DIPK2A: variants seen among roughly 807,000 people sequenced by gnomAD.
DIPK2A encodes Golgi Protein of 49 kDa.
Under a neutral mutation model 39.0 loss-of-function variants are expected in DIPK2A, and 27 were observed. The ratio of observed to expected loss-of-function variants is 0.69; its 90% confidence interval spans 0.51 to 0.96. DIPK2A has a LOEUF of 0.96. DIPK2A is among the 40% of genes least tolerant of loss of function. The pLI is 0.00. For missense variants in DIPK2A, 528 were observed against 571.3 expected, an observed-to-expected ratio of 0.92 and a Z score of 0.77; for synonymous variants, 298 against 240.8, an observed-to-expected ratio of 1.24 and a Z score of -2.20.
At position 143,973,639 on chromosome 3, in the gene DIPK2A, G is replaced by A; in HGVS notation, c.657+650G>A. The stretch of plus-strand genomic sequence containing the variant: ...GAAAAGTAAGGCAGCGTTGGACTTG[G>A]GGCTGGGAGGGCTTAAGGCCAGACA... On this transcript the variant is annotated intron_variant, in intron 1 of 2. Transcript: ENST00000315691. 3 of 1,100,400 alleles carry A rather than the reference G, an allele frequency of 2.7e-6. No homozygotes were observed. The South Asian group carries it at 4.0e-5, about 15-fold the overall frequency. 68.2% of individuals were successfully genotyped at this position (1,100,400 alleles called of 1,614,324 possible).
chr3:143,989,369 AT>A (rs1412099754), intron 2 of DIPK2A, 140 bp from the exon 3 acceptor site: 2 of 606,810 alleles, frequency 3.3e-6, no homozygotes, highest in Non-Finnish European at 5.7e-6. Flanking sequence ...GAATTTATAT[AT>A]TTAAATGTTT....
intron 1 of DIPK2A, among the ~76,000 whole-genome samples, chr3:143,976,817 G>A (rs1200595886): frequency 1.3e-5 from 2 of 151,896 alleles, no homozygotes; most frequent in Non-Finnish European, 2.9e-5. Flanking sequence ...TGGTTTTTAA[G>A]CTTGCTTTTC....
chr3:143,989,911 T>C lies in DIPK2A; in HGVS notation c.*70T>C. 8.2e-7 allele frequency: 1 copy of C among 1,226,124 alleles called. No individual in the cohort carries two copies. Among genetic ancestry groups the C allele is most frequent in the Non-Finnish European group, 1.1e-6 (1 of 874,202 alleles). 76.0% of individuals were successfully genotyped at this position (1,226,124 alleles called of 1,614,324 possible). A position where few individuals can be genotyped will look rare whatever the true frequency, so the allele number is the denominator to read the frequency against. ...CTAAAACTAAACCACCAAAAAACGATCTGAAAAAATGAAATTTGGAAGTGT... is the reference window on the plus strand; with the variant it reads ...CTAAAACTAAACCACCAAAAAACGACCTGAAAAAATGAAATTTGGAAGTGT... On this transcript the variant is annotated 3_prime_UTR_variant, in exon 3 of 3. Coordinates refer to ENST00000315691, the MANE Select transcript of DIPK2A (RefSeq NM_173552.5).
At chr3:143,977,886 A>G (rs1204994757) in intron 1 of DIPK2A, among the ~76,000 whole-genome samples, 1 of 152,130 alleles carries the variant, frequency 6.6e-6, no homozygotes, top group Non-Finnish European at 1.5e-5. Context: ...CGCCCTTAAG[A>G]AAGCATCACT....
Position 143,989,731 on chromosome 3 carries a change from C to T in DIPK2A, c.1183C>T (p.Leu395Phe). The change falls in exon 3 of 3, where the codon CTC becomes TTC. Residue 395 changes from leucine to phenylalanine, a missense_variant. Around this residue, in one of 2 missense-constraint regions of DIPK2A, gnomAD observed 219 missense variants for 281.5 expected, o/e 0.78. Transcript: ENST00000315691. ...PPSEIAKDGR[L>F]EALLDECANP... ...AAGTGAAATTGCCAAAGATGGCCGGCTCGAGGCCTTGCTGGATGAGTGTGC... is the reference window on the plus strand; with the variant it reads ...AAGTGAAATTGCCAAAGATGGCCGGTTCGAGGCCTTGCTGGATGAGTGTGC... 2 of 1,614,228 alleles carry T rather than the reference C, an allele frequency of 1.2e-6. No individual in the cohort carries two copies. Among genetic ancestry groups the T allele is most frequent in the Non-Finnish European group, 1.7e-6 (2 of 1,180,036 alleles).
In DIPK2A at chr3:143,972,082, A is replaced by C; in HGVS notation, c.-251A>C. On this transcript the variant is annotated 5_prime_UTR_variant, in exon 1 of 3. Coordinates refer to ENST00000315691, the MANE Select transcript of DIPK2A (RefSeq NM_173552.5). ...GTGGAGGAGGCGCCGCCGGAGTCGG[A>C]GGGCGGGGAGCTAGGAGGAGGGAGC... The C allele has an allele frequency of 2.6e-6, 1 of 382,172 alleles. No homozygotes were observed. The highest frequency in any genetic ancestry group is 4.6e-6 in the Non-Finnish European group (1 of 216,310). 23.7% of individuals were successfully genotyped at this position (382,172 alleles called of 1,614,324 possible). A position where few individuals can be genotyped will look rare whatever the true frequency, so the allele number is the denominator to read the frequency against.
chr3:143,989,445 T>C, intron 2 of DIPK2A, 65 bp from the exon 3 acceptor site: 2 of 942,330 alleles, frequency 2.1e-6, no homozygotes, highest in Non-Finnish European at 3.2e-6. Context: ...AAATATTCTA[T>C]TTTTGGAAGC....
chr3:143,990,342 G>A lies in DIPK2A; in HGVS notation c.*501G>A, dbSNP rs1261340312. ...ATTTTGAAAATTCAGGTTACTGTAG[G>A]TGTTCATTTAAATTTTTAATAGTTG... is the stretch of plus-strand genomic sequence containing the variant. On this transcript the variant is annotated 3_prime_UTR_variant, in exon 3 of 3. Coordinates refer to ENST00000315691, the MANE Select transcript of DIPK2A (RefSeq NM_173552.5). The A allele has an allele frequency of 3.4e-5, 5 of 148,038 alleles. No homozygotes were observed. The highest frequency in any genetic ancestry group is 5.9e-5 in the Non-Finnish European group (4 of 67,292). The allele number at this position is 148,038 out of a possible 1,614,324, so 9.2% of individuals were successfully genotyped here.
intron 1 of DIPK2A, among the ~76,000 whole-genome samples, chr3:143,980,262 C>T (rs969554149): frequency 2.8e-5 from 3 of 105,938 alleles, no homozygotes; most frequent in African/African-American, 2.1e-4. Context: ...TCTTTCTTTT[C>T]TTTCTTATGT....
chr3:143,989,278 G>A (rs565305124), intron 2 of DIPK2A, among the ~76,000 whole-genome samples: 2 of 152,252 alleles, frequency 1.3e-5, no homozygotes, highest in African/African-American at 2.4e-5. Context: ...ATGGAAAGTC[G>A]CTAGACTAAA....
chr3:143,975,987 T>C (rs1354121828), intron 1 of DIPK2A, among the ~76,000 whole-genome samples: 1 of 152,088 alleles, frequency 6.6e-6, no homozygotes, highest in Admixed American at 6.5e-5. Context: ...TCCATTAAAC[T>C]CACCTCTTCT....
In DIPK2A at chr3:143,989,824, A is replaced by G. The variant is rs2087954867; in HGVS notation, c.1276A>G (p.Ser426Gly). 3.1e-6 allele frequency: 5 copies of G among 1,612,866 alleles called. No individual in the cohort carries two copies. The highest frequency in any genetic ancestry group is 3.4e-6 in the Non-Finnish European group (4 of 1,178,968). The change falls in exon 3 of 3, where the codon AGT becomes GGT. Residue 426 changes from serine (S) to glycine (G), a missense_variant. Physicochemically the swap from Ser to Gly is moderately conservative, Grantham distance 56. Transcript: ENST00000315691. ...KELREYLAQL[S>G]NNVR ...ACTGCGTGAATACCTAGCACAATTAAGTAACAACGTGAGGTAGTCTATGGT... is the reference window on the plus strand; with the variant it reads ...ACTGCGTGAATACCTAGCACAATTAGGTAACAACGTGAGGTAGTCTATGGT...
intron 1 of DIPK2A, among the ~76,000 whole-genome samples, chr3:143,981,911 A>G (rs13078840): frequency 0.27 from 41,091 of 152,128 alleles, 6,077 homozygotes; most frequent in Non-Finnish European, 0.33. Flanking sequence ...TGGATTTACA[A>G]TTGAGGTACA....
intron 1 of DIPK2A, 152 bp downstream of exon 1, chr3:143,973,141 G>A (rs1389796541): frequency 1.7e-6 from 2 of 1,171,188 alleles, no homozygotes; most frequent in South Asian, 1.3e-5. Flanking sequence ...CTCCGGGGGA[G>A]CCCCGGGGCT....
chr3:143,978,700 A>C (rs1488672882), intron 1 of DIPK2A, among the ~76,000 whole-genome samples: 1 of 140,970 alleles, frequency 7.1e-6, no homozygotes, highest in Non-Finnish European at 1.5e-5. Context: ...ATATATATAT[A>C]TACTGTCACA....
chr3:143,985,561 G>A lies in DIPK2A; in HGVS notation c.676G>A (p.Gly226Ser). 6.2e-7 allele frequency: 1 copy of A among 1,613,820 alleles called. No homozygotes were observed. The change falls in exon 2 of 3, where the codon GGT (glycine) becomes AGT (serine). Residue 226 changes from glycine (G) to serine (S), a missense_variant. This residue lies in a region of DIPK2A where 219 missense variants were observed against 281.5 expected (regional missense o/e 0.78). Coordinates refer to ENST00000315691, the MANE Select transcript of DIPK2A (RefSeq NM_173552.5). ...LVLQSFPSDE[G>S]WPFAKYLGAC... ...TTTGTAGAGTTTTCCGTCTGATGAA[G>A]GTTGGCCATTTGCAAAGTATCTTGG...
At chr3:143,977,618 A>G (rs975059875) in intron 1 of DIPK2A, among the ~76,000 whole-genome samples, 1 of 152,066 alleles carries the variant, frequency 6.6e-6, no homozygotes, top group Non-Finnish European at 1.5e-5. Context: ...CTTCTCCTTT[A>G]CTGGCTGTTT....
chr3:143,985,819 G>T lies in DIPK2A; in HGVS notation c.934G>T (p.Val312Phe), dbSNP rs1172220660. 6.2e-7 allele frequency: 1 copy of T among 1,612,824 alleles called. No individual in the cohort carries two copies. Residue 312 changes from valine to phenylalanine, a missense_variant, in exon 2 of 3, where the codon GTT (valine) becomes TTT (phenylalanine). By Grantham distance (50) the Val-to-Phe change is conservative. Around this residue, in one of 2 missense-constraint regions of DIPK2A, gnomAD observed 219 missense variants for 281.5 expected, o/e 0.78. Coordinates refer to ENST00000315691, the MANE Select transcript of DIPK2A (RefSeq NM_173552.5). ...VIIVDAENVL[V>F]ADKRLIRQNK... ...CATTGTGGATGCTGAAAATGTTTTGGTTGCTGACAAAAGATTAATTAGACA... is the reference window on the plus strand; with the variant it reads ...CATTGTGGATGCTGAAAATGTTTTGTTTGCTGACAAAAGATTAATTAGACA...
chr3:143,989,861 T>A lies in DIPK2A; in HGVS notation c.*20T>A, dbSNP rs1487839129. 5.1e-6 allele frequency: 8 copies of A among 1,579,506 alleles called. No individual in the cohort carries two copies. The highest frequency in any genetic ancestry group is 6.9e-6 in the Non-Finnish European group (8 of 1,154,884). ...AGGTAGTCTATGGTGAACTTTTCTTTTTTTCTCCATTTAAACAGCACTGGC... is the reference window on the plus strand; with the variant it reads ...AGGTAGTCTATGGTGAACTTTTCTTATTTTCTCCATTTAAACAGCACTGGC... On this transcript the variant is annotated 3_prime_UTR_variant, in exon 3 of 3. Transcript: ENST00000315691.
Sources: gnomAD v4.1 joint callset for allele counts (sites outside exome capture counted in the v4.1 genomes callset) on GRCh38, gnomAD v4.1.1 for gene constraint, gnomAD v4.1.1 regional missense constraint, MANE v1.5 for transcripts, NCBI Gene and HGNC (gene_info 2026-07-23, HGNC 2026-07-21) for gene names.